The following TMPRSS9 variants were observed in gnomAD, a reference collection of about 807,000 sequenced individuals.
The protein encoded by TMPRSS9 is transmembrane serine protease 9, also known as transmembrane protease serine 9.
Under a neutral mutation model 111.4 loss-of-function variants are expected in TMPRSS9, and 113 were observed. That is an observed-to-expected ratio of 1.01 (90% CI 0.87 to 1.19). The LOEUF (loss-of-function observed/expected upper bound fraction) is 1.19. Ranked by LOEUF, TMPRSS9 falls within the 50% of genes most tolerant of loss-of-function variation. The pLI, the probability that TMPRSS9 is intolerant of heterozygous loss-of-function variation, is 0.00. For missense variants in TMPRSS9, 1,803 were observed against 1,513.1 expected (o/e 1.19, Z -3.18); for synonymous variants, 805 against 659.1 (o/e 1.22, Z -3.39).
exon 11 of TMPRSS9, chr19:2,415,710 C>G (rs550258692): frequency 6.2e-7 from 1 of 1,608,050 alleles, no homozygotes; most frequent in Non-Finnish European, 8.5e-7. Flanking sequence ...CCACCCGGGT[C>G]GTGGGCGGGT....
chr19:2,361,813 C>T (rs751431588), intron 1 of TMPRSS9, among the ~76,000 whole-genome samples: 4 of 152,232 alleles, frequency 2.6e-5, no homozygotes, highest in Non-Finnish European at 5.9e-5. Flanking sequence ...GGTTCAGGCA[C>T]TGCCCCGCAG....
chr19:2,400,500 C>G (rs1003655390), intron 4 of TMPRSS9, among the ~76,000 whole-genome samples: 3 of 151,766 alleles, frequency 2.0e-5, no homozygotes, highest in Non-Finnish European at 4.4e-5. Context: ...CAAGGTTGCA[C>G]TACTGCACTC....
At chr19:2,364,960 C>T (rs556982232) in intron 1 of TMPRSS9, among the ~76,000 whole-genome samples, 5 of 147,612 alleles carry the variant, frequency 3.4e-5, no homozygotes, top group South Asian at 2.1e-4. Flanking sequence ...GCCTGGGCGA[C>T]GGAGCGAGAC....
At chr19:2,396,743 G>T (rs1255874430) in intron 2 of TMPRSS9, 77 bp downstream of exon 3, 2 of 1,512,988 alleles carry the variant, frequency 1.3e-6, no homozygotes, top group African/African-American at 2.7e-5. Context: ...TGCTTTCCGT[G>T]TGGGAGGGAG....
At chr19:2,366,987 T>C (rs979335737) in intron 1 of TMPRSS9, among the ~76,000 whole-genome samples, 3 of 152,030 alleles carry the variant, frequency 2.0e-5, no homozygotes, top group African/African-American at 7.2e-5. Context: ...CCTCACCACA[T>C]GGGAATCACC....
chr19:2,416,480 C>T, intron 11 of TMPRSS9, 58 bp from the exon 13 acceptor site: 2 of 1,556,418 alleles, frequency 1.3e-6, no homozygotes, highest in Non-Finnish European at 8.7e-7. Flanking sequence ...CCTGTCCCTC[C>T]CCAAGAAGGC....
At chr19:2,407,790 A>C (rs1434100429) in intron 7 of TMPRSS9, among the ~76,000 whole-genome samples, 1 of 132,196 alleles carries the variant, frequency 7.6e-6, no homozygotes, top group Non-Finnish European at 1.6e-5. Context: ...GCTAATATAT[A>C]TATATTTTTT....
intron 9 of TMPRSS9, among the ~76,000 whole-genome samples, chr19:2,413,478 C>T (rs1971142732): frequency 6.6e-6 from 1 of 152,186 alleles, no homozygotes; most frequent in Non-Finnish European, 1.5e-5. Context: ...TGAAAGACAT[C>T]TTAGAGATCC....
intron 8 of TMPRSS9, among the ~76,000 whole-genome samples, chr19:2,408,990 A>AAATAATAAG: frequency 8.0e-6 from 1 of 124,992 alleles, no homozygotes; most frequent in East Asian, 2.3e-4. Flanking sequence ...CTCCATCTCA[A>AAATAATAAG]AATAATAATA....
chr19:2,417,846 C>T (rs1449253874), intron 12 of TMPRSS9, among the ~76,000 whole-genome samples, 156 bp from the exon 14 acceptor site: 1 of 152,128 alleles, frequency 6.6e-6, no homozygotes, highest in Non-Finnish European at 1.5e-5. Flanking sequence ...ACCTCCTCCT[C>T]ACTCTGTGGC....
At position 2,398,035 on chromosome 19, in the gene TMPRSS9, C is replaced by T. The variant is rs538470423; in HGVS notation, c.271-760C>T. ...AGTAGCTGGGAGTGCAGGCACACAC[C>T]ACCATGCCCAGCTAATTTGGGAGGC... is the stretch of plus-strand genomic sequence containing the variant. On this transcript the variant is annotated intron_variant, in intron 2 of 17. Transcript: ENST00000648592. Among the ~76,000 whole-genome samples, 71 of 149,936 alleles carry T rather than the reference C, an allele frequency of 4.7e-4. No individual in the cohort carries two copies. In the East Asian group the frequency reaches 0.014, roughly 29 times the overall value.
chr19:2,397,140 T>G (rs1256479156), intron 2 of TMPRSS9, among the ~76,000 whole-genome samples: 3 of 151,938 alleles, frequency 2.0e-5, no homozygotes, highest in African/African-American at 7.3e-5. Context: ...AGGATGGTCT[T>G]GAACTCCTGA....
At chr19:2,380,373 A>G (rs1429126938) in intron 1 of TMPRSS9, among the ~76,000 whole-genome samples, 1 of 151,912 alleles carries the variant, frequency 6.6e-6, no homozygotes, top group African/African-American at 2.4e-5. Flanking sequence ...AGGTGGGTGG[A>G]TCGTTTGAGG....
chr19:2,366,757 G>T (rs8106360), intron 1 of TMPRSS9, among the ~76,000 whole-genome samples: 6 of 150,378 alleles, frequency 4.0e-5, no homozygotes, highest in Admixed American at 6.7e-5. Context: ...CTCAGGAGGC[G>T]GAGGCAGGAG....
chr19:2,391,362 G>A (rs1020022818), intron 1 of TMPRSS9, among the ~76,000 whole-genome samples: 10 of 142,744 alleles, frequency 7.0e-5, no homozygotes, highest in Non-Finnish European at 1.4e-4. Flanking sequence ...ATCCTCCTAG[G>A]TTTTTTTTTT....
intron 1 of TMPRSS9, among the ~76,000 whole-genome samples, chr19:2,377,805 C>A (rs1427075069): frequency 2.1e-5 from 3 of 142,364 alleles, no homozygotes; most frequent in African/African-American, 8.0e-5. Context: ...CTCGACCTTC[C>A]AGGCTCAAGT....
chr19:2,412,749 CCT>C (rs1225726505), intron 9 of TMPRSS9, among the ~76,000 whole-genome samples: 2 of 152,124 alleles, frequency 1.3e-5, no homozygotes, highest in Admixed American at 1.3e-4. Flanking sequence ...GCTGTGGATT[CCT>C]GTCTTTCTTG....
At position 2,380,868 on chromosome 19, in the gene TMPRSS9, A is replaced by G. The variant is rs1970380268; in HGVS notation, c.-25-8893A>G. Among the ~76,000 whole-genome samples the G allele has an allele frequency of 2.6e-5, 4 of 152,276 alleles. No individual in the cohort carries two copies. In the South Asian group the frequency reaches 6.2e-4, roughly 24 times the overall value. On this transcript the variant is annotated intron_variant, in intron 1 of 17. Transcript: ENST00000649857. ...TCCTTACTTCTGCCACAGGGATTCT[A>G]GATACTTTATCCCTGCCATGTAGGA...
At chr19:2,408,577 C>T (rs765415847) in exon 8 of TMPRSS9, 4 of 1,613,572 alleles carry the variant, frequency 2.5e-6, no homozygotes, top group African/African-American at 1.3e-5. Context: ...CACATCTTCC[C>T]ACCCAGCAAG....
Sources: allele counts gnomAD v4.1 joint callset (sites outside exome capture counted in the v4.1 genomes callset), GRCh38; gene constraint gnomAD v4.1.1; transcripts MANE v1.5; gene names NCBI Gene and HGNC (gene_info 2026-07-23, HGNC 2026-07-21).